PPARGC1A: variants seen among roughly 807,000 people sequenced by gnomAD.
PPARGC1A encodes the protein peroxisome proliferator-activated receptor gamma coactivator 1-alpha.
Under a neutral mutation model 88.7 loss-of-function variants are expected in PPARGC1A, and 25 were observed. That is an observed-to-expected ratio of 0.28 (90% CI 0.21 to 0.39). PPARGC1A has a LOEUF of 0.39. Among genes scored for constraint, PPARGC1A ranks in the 10% least tolerant of loss-of-function variants. The probability of loss-of-function intolerance (pLI) is 1.00; values close to 1 mark genes in which losing one functional copy is unlikely to be tolerated. For synonymous variants in PPARGC1A, 363 were observed against 355.6 expected (o/e 1.02, Z -0.24); for missense variants, 880 against 968.7 (o/e 0.91, Z 1.22).
At chr4:24,328,002 C>T in the PPARGC1A span, among the ~76,000 whole-genome samples, 1 of 152,026 alleles carries the variant, frequency 6.6e-6, no homozygotes, top group African/African-American at 2.4e-5. Context: ...CCACTGAGCA[C>T]CTTGTGACCC....
At chr4:23,904,425 T>A (rs1458684403), upstream of PPARGC1A, among the ~76,000 whole-genome samples, 2 of 152,170 alleles carry the variant, frequency 1.3e-5, no homozygotes, top group Non-Finnish European at 2.9e-5. Flanking sequence ...ATGATGACAC[T>A]TTATCCCGGG....
At chr4:24,327,063 T>G in the PPARGC1A span, among the ~76,000 whole-genome samples, 1 of 152,132 alleles carries the variant, frequency 6.6e-6, no homozygotes, top group Non-Finnish European at 1.5e-5. Context: ...AATGGTCTAT[T>G]AAAAACACAC....
chr4:24,321,985 T>C, the PPARGC1A span, among the ~76,000 whole-genome samples: 2 of 152,208 alleles, frequency 1.3e-5, no homozygotes, highest in Non-Finnish European at 2.9e-5. Flanking sequence ...TGTTTTTTCT[T>C]CTAAAATAGA....
At chr4:23,979,326 T>C in the PPARGC1A span, among the ~76,000 whole-genome samples, 69 of 152,322 alleles carry the variant, frequency 4.5e-4, no homozygotes, top group Admixed American at 1.2e-3. Flanking sequence ...TCTTTTATTA[T>C]AAATGTTATG....
the PPARGC1A span, among the ~76,000 whole-genome samples, chr4:23,910,235 TAA>T: frequency 9.4e-6 from 1 of 106,636 alleles, no homozygotes; most frequent in East Asian, 2.6e-4. Context: ...ATATTATATA[TAA>T]TATATATAAA....
the PPARGC1A span, among the ~76,000 whole-genome samples, chr4:24,437,972 C>T: frequency 6.6e-6 from 1 of 152,116 alleles, no homozygotes; most frequent in African/African-American, 2.4e-5. Flanking sequence ...CCACTGTGCC[C>T]GGCCTACAGC....
At chr4:24,150,285 G>A in the PPARGC1A span, among the ~76,000 whole-genome samples, 2 of 152,168 alleles carry the variant, frequency 1.3e-5, no homozygotes, top group African/African-American at 4.8e-5. Flanking sequence ...TTGCAATGCA[G>A]AAAGGACAAG....
chr4:24,118,735 A>G, the PPARGC1A span, among the ~76,000 whole-genome samples: 3 of 152,208 alleles, frequency 2.0e-5, no homozygotes, highest in African/African-American at 7.2e-5. Flanking sequence ...AGCCATATCC[A>G]CATCTATTTA....
chr4:24,247,024 G>A, the PPARGC1A span, among the ~76,000 whole-genome samples: 1 of 152,202 alleles, frequency 6.6e-6, no homozygotes, highest in Admixed American at 6.5e-5. Context: ...AGTATTTTCA[G>A]GTAAAATTGT....
At chr4:23,896,004 T>TA (rs1718557734) in intron 1 of PPARGC1A, among the ~76,000 whole-genome samples, 1 of 149,780 alleles carries the variant, frequency 6.7e-6, no homozygotes, top group Non-Finnish European at 1.5e-5. Context: ...ACACACATAT[T>TA]TATATTTAAT....
chr4:24,183,839 C>G, the PPARGC1A span, among the ~76,000 whole-genome samples: 5 of 152,106 alleles, frequency 3.3e-5, no homozygotes, highest in Non-Finnish European at 5.9e-5. Context: ...TTACAGTAGT[C>G]CAGCTTCTGG....
chr4:24,183,813 T>G, the PPARGC1A span, among the ~76,000 whole-genome samples: 1 of 152,176 alleles, frequency 6.6e-6, no homozygotes, highest in Admixed American at 6.5e-5. Context: ...TCACGGAAAT[T>G]TTTTTTAATA....
At chr4:23,894,206 C>G (rs976906219), upstream of PPARGC1A, among the ~76,000 whole-genome samples, 2 of 152,072 alleles carry the variant, frequency 1.3e-5, no homozygotes, top group Non-Finnish European at 2.9e-5. Context: ...CTAGAGCATT[C>G]GTCCAGAAAG....
the PPARGC1A span, among the ~76,000 whole-genome samples, chr4:24,059,628 T>G: frequency 0.89 from 136,173 of 152,222 alleles, 60,959 homozygotes; most frequent in Admixed American, 0.94. Context: ...CACAGCTGTG[T>G]CTATCACACA....
the PPARGC1A span, among the ~76,000 whole-genome samples, chr4:24,159,787 C>G: frequency 6.6e-6 from 1 of 152,146 alleles, no homozygotes; most frequent in African/African-American, 2.4e-5. Context: ...TTATATAAAA[C>G]TTCTTAGAGG....
the PPARGC1A span, among the ~76,000 whole-genome samples, chr4:23,933,616 G>C: frequency 1.2e-4 from 18 of 152,358 alleles, 1 homozygote; most frequent in Admixed American, 1.2e-3. Context: ...CAAACTCTGA[G>C]AGGCTAGAAA....
chr4:24,021,421 G>T, the PPARGC1A span, among the ~76,000 whole-genome samples: 2 of 152,166 alleles, frequency 1.3e-5, no homozygotes, highest in Non-Finnish European at 2.9e-5. Flanking sequence ...CTTCCTCAGT[G>T]ATGTACTTAG....
At chr4:24,203,713 A>T in the PPARGC1A span, among the ~76,000 whole-genome samples, 3 of 152,256 alleles carry the variant, frequency 2.0e-5, no homozygotes, top group Non-Finnish European at 4.4e-5. Context: ...GATGAACCCC[A>T]TTGTGAACAT....
chr4:24,471,441 T>C, the PPARGC1A span, among the ~76,000 whole-genome samples: 1 of 152,146 alleles, frequency 6.6e-6, no homozygotes, highest in Admixed American at 6.5e-5. This position sits in a 1 kb window ranked among gnomAD's most constrained non-coding sequence, Gnocchi z 5.4. Context: ...CAGATGCCTG[T>C]AGACTTTCAC....
Sources: allele counts gnomAD v4.1 joint callset (sites outside exome capture counted in the v4.1 genomes callset), GRCh38; gene constraint gnomAD v4.1.1; non-coding constraint Gnocchi (gnomAD v3.1); transcripts MANE v1.5; gene names NCBI Gene and HGNC (gene_info 2026-07-23, HGNC 2026-07-21).